Variants in SAMD4A observed in about 807,000 individuals in gnomAD.
SAMD4A encodes sterile alpha motif domain containing 4A, also known as protein Smaug homolog 1.
SAMD4A carries 33 observed loss-of-function variants against 81.3 expected under a neutral mutation model. The observed-to-expected ratio is 0.41, with a 90% confidence interval of 0.31 to 0.54. The LOEUF is 0.54. Among genes scored for constraint, SAMD4A ranks in the 20% least tolerant of loss-of-function variants. The pLI, the probability that SAMD4A is intolerant of heterozygous loss-of-function variation, is 0.37. For missense variants in SAMD4A, 854 were observed against 951.1 expected (o/e 0.90, Z 1.34); for synonymous variants, 389 against 382.1 (o/e 1.02, Z -0.21).
At chr14:54,769,762 C>T (rs2038651870) in intron 8 of SAMD4A, among the ~76,000 whole-genome samples, 1 of 152,104 alleles carries the variant, frequency 6.6e-6, no homozygotes, top group African/African-American at 2.4e-5. Flanking sequence ...CCAGAGTATT[C>T]AACAATCAAT....
intron 7 of SAMD4A, 108 bp downstream of exon 7, chr14:54,760,602 A>G: frequency 7.4e-7 from 1 of 1,345,436 alleles, no homozygotes; most frequent in Non-Finnish European, 9.5e-7. Flanking sequence ...GTCCAAGTAG[A>G]CATCATTAGC....
rs2140007818 is a variant in SAMD4A, at chr14:54,791,246, A to T, written c.*2302A>T. The T allele has an allele frequency of 6.6e-6, 1 of 152,344 alleles. No individual in the cohort carries two copies. Among genetic ancestry groups the T allele is most frequent in the African/African-American group, 2.4e-5 (1 of 41,576 alleles). The allele number at this position is 152,344 out of a possible 1,614,324, so 9.4% of individuals were successfully genotyped here. A position where few individuals can be genotyped will look rare whatever the true frequency, so the allele number is the denominator to read the frequency against. On this transcript the variant is annotated 3_prime_UTR_variant, in exon 13 of 13. Transcript: ENST00000554335. ...GTTTGCGAATGTGGGTTTGTAGGAT[A>T]CTGAGAAAGTGAATAAAGAGGAGAA... is the stretch of plus-strand genomic sequence containing the variant.
At chr14:54,770,312 G>A in intron 9 of SAMD4A, 90 bp downstream of exon 9, 5 of 831,766 alleles carry the variant, frequency 6.0e-6, no homozygotes, top group Non-Finnish European at 9.9e-6. Context: ...ATATGGCAGG[G>A]CACCATTCCT....
chr14:54,602,021 G>A (rs1051519267), intron 2 of SAMD4A, among the ~76,000 whole-genome samples: 4 of 152,160 alleles, frequency 2.6e-5, no homozygotes, highest in Non-Finnish European at 4.4e-5. Flanking sequence ...AAAGGAGAAA[G>A]CAGGACAGAA....
At chr14:54,691,273 T>A (rs1043620365) in intron 2 of SAMD4A, among the ~76,000 whole-genome samples, 1 of 152,150 alleles carries the variant, frequency 6.6e-6, no homozygotes, top group African/African-American at 2.4e-5. Flanking sequence ...CTGGAGACAT[T>A]ATCCCTATGA....
At chr14:54,776,199 G>A (rs2139941409) in intron 10 of SAMD4A, among the ~76,000 whole-genome samples, 1 of 152,252 alleles carries the variant, frequency 6.6e-6, no homozygotes, top group Non-Finnish European at 1.5e-5. Context: ...GAGGCTTACA[G>A]CAAGGCCACC....
intron 2 of SAMD4A, among the ~76,000 whole-genome samples, chr14:54,653,054 T>C (rs1226795040): frequency 3.3e-5 from 5 of 152,072 alleles, no homozygotes; most frequent in Non-Finnish European, 7.4e-5. Flanking sequence ...TGCTCCCTGC[T>C]GCTTGTAAGA....
intron 3 of SAMD4A, among the ~76,000 whole-genome samples, chr14:54,723,506 TCCTGGTGCATTACCA>T (rs1170944722): frequency 5.3e-5 from 8 of 152,200 alleles, no homozygotes; most frequent in Non-Finnish European, 1.2e-4. Context: ...GGCATCTTGG[TCCTGGTGCATTACCA>T]CCTCCTCAAA....
chr14:54,596,625 C>G (rs2033917818), intron 2 of SAMD4A, among the ~76,000 whole-genome samples: 1 of 152,044 alleles, frequency 6.6e-6, no homozygotes, highest in Non-Finnish European at 1.5e-5. Flanking sequence ...GAAGGGCCTT[C>G]TCTCCTAGGA....
chr14:54,750,297 G>A (rs1001154292), intron 5 of SAMD4A, among the ~76,000 whole-genome samples: 2 of 152,168 alleles, frequency 1.3e-5, no homozygotes, highest in Non-Finnish European at 2.9e-5. Context: ...TAGAGACTGG[G>A]TTCACGTGTC....
At chr14:54,605,164 G>A (rs10144974) in intron 2 of SAMD4A, among the ~76,000 whole-genome samples, 113,836 of 152,050 alleles carry the variant, frequency 0.75, 42,750 homozygotes, top group East Asian at 0.86. Context: ...CAATTACAGC[G>A]GGGGTAGCTT....
At chr14:54,656,938 A>G (rs1476358007) in intron 2 of SAMD4A, among the ~76,000 whole-genome samples, 1 of 152,072 alleles carries the variant, frequency 6.6e-6, no homozygotes, top group African/African-American at 2.4e-5. Context: ...TGCCAAACCA[A>G]TAGGGCAAAG....
At chr14:54,747,620 A>G (rs183728817) in intron 4 of SAMD4A, among the ~76,000 whole-genome samples, 29 of 152,352 alleles carry the variant, frequency 1.9e-4, no homozygotes, top group African/African-American at 7.0e-4. Context: ...AAACAGGAAT[A>G]ACATTTACCC....
intron 2 of SAMD4A, among the ~76,000 whole-genome samples, chr14:54,595,661 TA>T (rs2033893236): frequency 6.6e-6 from 1 of 152,094 alleles, no homozygotes; most frequent in Non-Finnish European, 1.5e-5. Flanking sequence ...AGCAGGGTAC[TA>T]AAAGTGTTGA....
chr14:54,665,964 A>C (rs2035748547), intron 2 of SAMD4A, among the ~76,000 whole-genome samples: 1 of 152,156 alleles, frequency 6.6e-6, no homozygotes, highest in Non-Finnish European at 1.5e-5. Flanking sequence ...CAGGATGTGA[A>C]CCCCAAAGCT....
chr14:54,593,339 G>A (rs1041495472), intron 2 of SAMD4A, among the ~76,000 whole-genome samples: 1 of 151,772 alleles, frequency 6.6e-6, no homozygotes, highest in African/African-American at 2.4e-5. Flanking sequence ...CGTATTCTGG[G>A]GTTTTTATTG....
intron 2 of SAMD4A, among the ~76,000 whole-genome samples, chr14:54,598,190 T>C (rs1015775752): frequency 2.0e-5 from 3 of 152,220 alleles, no homozygotes; most frequent in South Asian, 2.1e-4. Flanking sequence ...ATTAAATATC[T>C]AGAAAATGAC....
rs568940483 is a variant in SAMD4A at position 54,739,757 on chromosome 14, G to A, written c.979+2470G>A. ...TCCGCCACCAGATGTTATTCAAAACGACTTCCTATGAGTGCACCCAAGGAG... is the reference window on the plus strand; with the variant it reads ...TCCGCCACCAGATGTTATTCAAAACAACTTCCTATGAGTGCACCCAAGGAG... On this transcript the variant is annotated intron_variant, in intron 4 of 12. Transcript: ENST00000554335. Among the ~76,000 whole-genome samples, 15 of 152,278 alleles carry A rather than the reference G, an allele frequency of 9.9e-5. No homozygotes were observed. In the South Asian group the frequency reaches 2.5e-3, roughly 25 times the overall value.
At position 54,725,444 on chromosome 14, in the gene SAMD4A, G is replaced by T. The variant is rs140288065; in HGVS notation, c.716-11580G>T. 8.1e-3 allele frequency among the ~76,000 whole-genome samples: 1,227 copies of T among 152,332 alleles called. 11 individuals are homozygous for T. The highest frequency in any genetic ancestry group is 0.011 in the Non-Finnish European group (771 of 68,024). The stretch of plus-strand genomic sequence containing the variant: ...GCAGAAGTTTGTCAGTATAGGTGAA[G>T]ATTTTGAAAGAGCAAGGTGAAGTTT... On this transcript the variant is annotated intron_variant, in intron 3 of 12. Coordinates refer to ENST00000554335, the MANE Select transcript of SAMD4A (RefSeq NM_015589.6).
Sources: gnomAD v4.1 joint callset for allele counts (sites outside exome capture counted in the v4.1 genomes callset) on GRCh38, gnomAD v4.1.1 for gene constraint, MANE v1.5 for transcripts, NCBI Gene and HGNC (gene_info 2026-07-23, HGNC 2026-07-21) for gene names.